The following SPATA13 variants were observed in gnomAD, a reference collection of about 807,000 sequenced individuals.
SPATA13 encodes the protein spermatogenesis associated 13.
In SPATA13, 50 loss-of-function variants were observed where a neutral mutation model predicts 104.0. The observed-to-expected ratio is 0.48, with a 90% CI of 0.38 to 0.61. The LOEUF is 0.61. Ranked by LOEUF, SPATA13 falls within the 20% of genes least tolerant of loss-of-function variation. The pLI is 0.00. For missense variants in SPATA13, 1,524 were observed against 1,690.6 expected, an observed-to-expected ratio of 0.90 and a Z score of 1.73; for synonymous variants, 606 against 667.5, an observed-to-expected ratio of 0.91 and a Z score of 1.42.
At chr13:24,111,602 C>T (rs1880641330) in intron 3 of SPATA13, among the ~76,000 whole-genome samples, 1 of 152,110 alleles carries the variant, frequency 6.6e-6, no homozygotes, top group South Asian at 2.1e-4. Context: ...GATGGGTTTT[C>T]ACCGTGTTGC....
At chr13:24,141,539 A>C (rs1271560175) in intron 3 of SPATA13, among the ~76,000 whole-genome samples, 6 of 152,182 alleles carry the variant, frequency 3.9e-5, no homozygotes, top group African/African-American at 1.4e-4. Context: ...CTGTGATCCC[A>C]AAACCTTCTG....
intron 3 of SPATA13, among the ~76,000 whole-genome samples, chr13:24,145,848 C>T (rs539623360): frequency 4.6e-5 from 7 of 152,208 alleles, no homozygotes; most frequent in Non-Finnish European, 8.8e-5. Flanking sequence ...ACGGCGGAGA[C>T]AGAGCACAGC....
chr13:24,223,829 T>G lies in SPATA13; in HGVS notation c.900T>G (p.Leu300=). 6.4e-7 allele frequency: 1 copy of G among 1,551,724 alleles called. No homozygotes were observed. Among genetic ancestry groups the G allele is most frequent in the Non-Finnish European group, 8.7e-7 (1 of 1,147,002 alleles). The change falls in exon 2 of 13, where the codon CTT becomes CTG. Residue 300 remains leucine, a synonymous_variant. Coordinates refer to ENST00000382108, the MANE Select transcript of SPATA13 (RefSeq NM_001166271.3). ...GTTCCTCCACTGACTCCCAAAAGCT[T>G]GGGTCAGGAAGGACCAAACGCTGGA... ...LSSSSTDSQK[L]GSGRTKRWRS...
intron 2 of SPATA13, among the ~76,000 whole-genome samples, chr13:23,995,972 A>G (rs724932): frequency 6.6e-6 from 1 of 151,968 alleles, no homozygotes; most frequent in East Asian, 1.9e-4. Flanking sequence ...AGCTAGAGAG[A>G]CAACCGAGCA....
chr13:24,189,841 A>AAT lies in SPATA13; in HGVS notation c.-112+28914_-112+28915dup, dbSNP rs1869469605. Among the ~76,000 whole-genome samples the AAT allele has an allele frequency of 3.2e-4, 8 of 24,832 alleles. 2 individuals carry two copies. Among genetic ancestry groups the AAT allele is most frequent in the Non-Finnish European group, 5.8e-4 (4 of 6,850 alleles). The allele number at this position is 24,832 out of a possible 152,430, so 16.3% of individuals were successfully genotyped here. ...TATAAATATATATAAAATGATATTT[A>AAT]ATATATTATATTAATATATCATATA... is the stretch of plus-strand genomic sequence containing the variant. On this transcript the variant is annotated intron_variant, in intron 1 of 12. Transcript: ENST00000382108.
At chr13:24,212,655 G>A (rs930734055) in intron 1 of SPATA13, among the ~76,000 whole-genome samples, 1 of 152,206 alleles carries the variant, frequency 6.6e-6, no homozygotes, top group Admixed American at 6.5e-5. Context: ...GGGAAAGGGT[G>A]AAGCCAGCAT....
chr13:24,294,035 A>ATG (rs1202129582), intron 9 of SPATA13, among the ~76,000 whole-genome samples: 1 of 152,166 alleles, frequency 6.6e-6, no homozygotes. Context: ...CAAAACCTGA[A>ATG]TGGGAAGCTT....
intron 3 of SPATA13, chr13:24,123,449 G>T (rs562235797): frequency 1.3e-6 from 2 of 1,489,086 alleles, no homozygotes; most frequent in African/African-American, 1.4e-5. Context: ...CCATCTGATC[G>T]TTATAGATCT....
intron 3 of SPATA13, among the ~76,000 whole-genome samples, chr13:24,030,818 C>A (rs1262005692): frequency 6.6e-6 from 1 of 152,142 alleles, no homozygotes; most frequent in East Asian, 1.9e-4. Flanking sequence ...TACCATATTG[C>A]CAGCAGTGGA....
chr13:24,076,253 T>G (rs1321766193), intron 3 of SPATA13, among the ~76,000 whole-genome samples: 1 of 152,180 alleles, frequency 6.6e-6, no homozygotes, highest in Admixed American at 6.5e-5. Context: ...AAGTTGATTA[T>G]TAACTATGCA....
intron 3 of SPATA13, among the ~76,000 whole-genome samples, chr13:24,062,976 G>A (rs1160868897): frequency 6.6e-6 from 1 of 152,170 alleles, no homozygotes; most frequent in African/African-American, 2.4e-5. Context: ...TGCCCCTGGG[G>A]GTTTGTGGGG....
chr13:24,150,733 G>A (rs1469595717), intron 3 of SPATA13, among the ~76,000 whole-genome samples: 5 of 152,104 alleles, frequency 3.3e-5, no homozygotes, highest in African/African-American at 1.2e-4. Flanking sequence ...GCAGTCTTGA[G>A]GCCGAAGTCC....
intron 2 of SPATA13, among the ~76,000 whole-genome samples, chr13:23,997,865 A>G (rs1459869039): frequency 6.6e-6 from 1 of 151,922 alleles, no homozygotes; most frequent in East Asian, 1.9e-4. Flanking sequence ...TGAGCCAAAC[A>G]CTTCCCACTA....
In SPATA13 at chr13:24,222,968, G is replaced by A; in HGVS notation, c.39G>A (p.Leu13=). ...QAAVRPWAPC[L]ENMTTAPNGL... ...CCGTGCGGCCCTGGGCACCCTGCCTGGAGAACATGACCACTGCCCCAAACG... is the reference window on the plus strand; with the variant it reads ...CCGTGCGGCCCTGGGCACCCTGCCTAGAGAACATGACCACTGCCCCAAACG... The change falls in exon 2 of 13, where the codon CTG becomes CTA. Residue 13 remains leucine, a synonymous_variant. Transcript: ENST00000382108. 3 of 1,551,356 alleles carry A rather than the reference G, an allele frequency of 1.9e-6. No individual in the cohort carries two copies. The African/African-American group carries it at 4.1e-5, about 21-fold the overall frequency.
At chr13:23,989,079 T>A (rs539312930) in intron 2 of SPATA13, among the ~76,000 whole-genome samples, 1 of 152,296 alleles carries the variant, frequency 6.6e-6, no homozygotes, top group South Asian at 2.1e-4. Context: ...AGAAAGAATA[T>A]CTTTGTGAGA....
intron 1 of SPATA13, among the ~76,000 whole-genome samples, chr13:24,192,551 T>C (rs1424721549): frequency 6.6e-6 from 1 of 152,164 alleles, no homozygotes; most frequent in Non-Finnish European, 1.5e-5. Context: ...ACTCCAGACA[T>C]CTTGAGAGTC....
intron 9 of SPATA13, among the ~76,000 whole-genome samples, chr13:24,294,230 A>G (rs970731848): frequency 2.0e-5 from 3 of 152,242 alleles, no homozygotes; most frequent in Admixed American, 6.5e-5. Context: ...GGCGAATGCC[A>G]TACTGGCATT....
intron 3 of SPATA13, among the ~76,000 whole-genome samples, chr13:24,135,697 C>CAAAAAAAAAA (rs34145507): frequency 1.2e-5 from 1 of 82,328 alleles, no homozygotes. Context: ...GAATCCGTCT[C>CAAAAAAAAAA]AAAAAAAAAA....
rs115395221 is a variant in SPATA13 at position 24,162,207 on chromosome 13, C to T, written c.-112+1275C>T. ...TGCCATCTGCCTCCACCCAGTTCTC[C>T]CATCTCCTTCCTTATTTGTGCTCCC... is the stretch of plus-strand genomic sequence containing the variant. On this transcript the variant is annotated intron_variant, in intron 1 of 12. Transcript: ENST00000382108. Among the ~76,000 whole-genome samples the T allele has an allele frequency of 5.0e-3, 765 of 152,290 alleles. 4 individuals carry two copies. Among genetic ancestry groups the T allele is most frequent in the African/African-American group, 0.018 (739 of 41,544 alleles).
Sources: allele counts gnomAD v4.1 joint callset (sites outside exome capture counted in the v4.1 genomes callset), GRCh38; gene constraint gnomAD v4.1.1; transcripts MANE v1.5; gene names NCBI Gene and HGNC (gene_info 2026-07-23, HGNC 2026-07-21).